Variants in SMIM27 observed in about 807,000 individuals in gnomAD.
SMIM27 encodes transition zone microprotein 1, also known as TOPORS antisense RNA 1 (non-protein coding).
Under a neutral mutation model 1.8 loss-of-function variants are expected in SMIM27, and 3 were observed. The observed-to-expected ratio is 1.65, with a 90% confidence interval of 0.75 to 4.28. SMIM27 has a LOEUF of 4.28. Among genes scored for constraint, SMIM27 ranks in the 30% most tolerant of loss-of-function variants. SMIM27 has a pLI of 0.02. For missense variants in SMIM27, 63 were observed against 37.0 expected (o/e 1.70, Z -1.83); for synonymous variants, 19 against 13.9 (o/e 1.37, Z -0.82).
upstream of SMIM27, chr9:32,551,161 CGGA>C (rs1821246838): frequency 1.5e-6 from 1 of 675,402 alleles, no homozygotes; most frequent in African/African-American, 1.8e-5. Flanking sequence ...CTCCAGACCC[CGGA>C]GGAGGGCAGC....
intron 1 of SMIM27, among the ~76,000 whole-genome samples, chr9:32,559,753 T>C (rs920472578): frequency 3.3e-5 from 5 of 152,200 alleles, no homozygotes; most frequent in African/African-American, 4.8e-5. Context: ...ATTTTTCTTC[T>C]ATAGACTTGT....
downstream of SMIM27, chr9:32,553,546 G>C (rs757562060): frequency 8.1e-5 from 18 of 220,896 alleles, no homozygotes; most frequent in African/African-American, 3.5e-4. Flanking sequence ...TTTGTTTATT[G>C]TGATATTTCA....
In SMIM27 at chr9:32,552,474, T is replaced by C; in HGVS notation, c.40T>C (p.Ser14Pro). Reference protein sequence around the residue: ...VSRRTLDWIYSVLLLAIVLIS... With the variant: ...VSRRTLDWIYPVLLLAIVLIS... ...TCGTCGCACGCTGGACTGGATTTAT[T>C]CAGTGGTAAGTCCCGGGGATCGCGG... is the stretch of plus-strand genomic sequence containing the variant. Residue 14 changes from serine (S) to proline (P), a missense_variant, in exon 1 of 2, where the codon TCA (serine) becomes CCA (proline). Transcript: ENST00000692500. 1.3e-6 allele frequency: 2 copies of C among 1,598,218 alleles called. No homozygotes were observed. The highest frequency in any genetic ancestry group is 1.7e-6 in the Non-Finnish European group (2 of 1,172,916).
chr9:32,560,494 T>G (rs561937497), intron 1 of SMIM27, among the ~76,000 whole-genome samples: 1 of 152,236 alleles, frequency 6.6e-6, no homozygotes, highest in South Asian at 2.1e-4. Flanking sequence ...CTGAAAACAT[T>G]GCTACATTCC....
At chr9:32,558,819 G>T in intron 1 of SMIM27, 1 of 901,694 alleles carries the variant, frequency 1.1e-6, no homozygotes. Context: ...GAGAAGGAAA[G>T]AACATTTTAA....
At chr9:32,553,843 G>A, downstream of SMIM27, 1 of 1,384,328 alleles carries the variant, frequency 7.2e-7, no homozygotes, top group Non-Finnish European at 1.0e-6. Flanking sequence ...AACAAACTTA[G>A]GCTCATAAGC....
chr9:32,551,747 A>G, upstream of SMIM27: 1 of 435,596 alleles, frequency 2.3e-6, no homozygotes, highest in Non-Finnish European at 4.7e-6. Context: ...CACGCGCGGC[A>G]GTTCAAGAAC....
chr9:32,559,002 T>C, intron 1 of SMIM27: 1 of 1,397,364 alleles, frequency 7.2e-7, no homozygotes, highest in Non-Finnish European at 9.9e-7. Context: ...AAGAGTTTCT[T>C]CTGAAAATAA....
intron 1 of SMIM27, among the ~76,000 whole-genome samples, chr9:32,559,314 G>T (rs1379699189): frequency 1.3e-5 from 2 of 152,132 alleles, no homozygotes; most frequent in African/African-American, 2.4e-5. Flanking sequence ...CACCAGCCTT[G>T]TCCAAGCCTC....
At chr9:32,565,960 GA>G (rs1412432499) in intron 1 of SMIM27, among the ~76,000 whole-genome samples, 1 of 151,680 alleles carries the variant, frequency 6.6e-6, no homozygotes, top group Non-Finnish European at 1.5e-5. Flanking sequence ...CAACGAAAGT[GA>G]AACTCCACCT....
At chr9:32,566,822 T>A in exon 2 of SMIM27, 1 of 884,140 alleles carries the variant, frequency 1.1e-6, no homozygotes, top group Non-Finnish European at 1.8e-6. Context: ...TCTGCCTCTG[T>A]GGGGGCCTGC....
chr9:32,552,293 G>T, upstream of SMIM27: 2 of 1,261,660 alleles, frequency 1.6e-6, no homozygotes, highest in South Asian at 1.3e-5. Flanking sequence ...AGAGGCCAGC[G>T]ACAGCGCTGC....
At chr9:32,556,842 CCTA>C (rs1197645794), downstream of SMIM27, among the ~76,000 whole-genome samples, 1,286 of 146,960 alleles carry the variant, frequency 8.8e-3, 13 homozygotes, top group Admixed American at 0.025. Flanking sequence ...GGAGAAATCC[CCTA>C]CTTTTTTTTT....
chr9:32,560,430 A>G (rs905367717), intron 1 of SMIM27, among the ~76,000 whole-genome samples: 2 of 152,244 alleles, frequency 1.3e-5, no homozygotes, highest in Non-Finnish European at 2.9e-5. Context: ...TAGATATGAT[A>G]AAGTAAGTTA....
At chr9:32,564,696 C>T (rs1332501659) in intron 1 of SMIM27, among the ~76,000 whole-genome samples, 1 of 152,176 alleles carries the variant, frequency 6.6e-6, no homozygotes, top group Non-Finnish European at 1.5e-5. Flanking sequence ...GCACTCACCA[C>T]CTGCACTGCT....
At chr9:32,556,846 C>CTTT (rs10703297), downstream of SMIM27, among the ~76,000 whole-genome samples, 591 of 82,378 alleles carry the variant, frequency 7.2e-3, 79 homozygotes, top group African/African-American at 0.021. Context: ...AAATCCCCTA[C>CTTT]TTTTTTTTTT....
At chr9:32,557,325 G>A (rs1028260832), downstream of SMIM27, among the ~76,000 whole-genome samples, 8 of 113,634 alleles carry the variant, frequency 7.0e-5, no homozygotes. Flanking sequence ...CACCACACCT[G>A]GCTAATTTTT....
At chr9:32,553,899 C>A, downstream of SMIM27, 2 of 1,597,286 alleles carry the variant, frequency 1.3e-6, no homozygotes, top group Non-Finnish European at 8.6e-7. Flanking sequence ...TCAGGAAATT[C>A]TTTCATTGGT....
chr9:32,553,198 GCTT>G, downstream of SMIM27: 1 of 286,540 alleles, frequency 3.5e-6, no homozygotes, highest in South Asian at 5.9e-5. Context: ...GATTCGGAAA[GCTT>G]TTTTTTTTTT....
Sources: allele counts gnomAD v4.1 joint callset (sites outside exome capture counted in the v4.1 genomes callset), GRCh38; gene constraint gnomAD v4.1.1; transcripts MANE v1.5; gene names NCBI Gene and HGNC (gene_info 2026-07-23, HGNC 2026-07-21).